ATP12A: variants seen among roughly 807,000 people sequenced by gnomAD.
The protein encoded by ATP12A is ATPase H+/K+ transporting non-gastric alpha2 subunit, also known as potassium-transporting ATPase alpha chain 2.
A neutral mutation model predicts 111.2 loss-of-function variants in ATP12A; 81 were observed. The ratio of observed to expected loss-of-function variants is 0.73; its 90% CI spans 0.61 to 0.88. ATP12A has a LOEUF of 0.88. ATP12A is among the 40% of genes least tolerant of loss of function. The pLI is 0.00. For synonymous variants in ATP12A, 498 were observed against 499.8 expected (o/e 1.00, Z 0.05); for missense variants, 1,196 against 1,313.1 (o/e 0.91, Z 1.38).
rs1175305556 is a variant in ATP12A, at chr13:24,684,612, T to A, written c.169-702T>A. Among the ~76,000 whole-genome samples the A allele has an allele frequency of 2.0e-5, 3 of 152,166 alleles. No individual in the cohort carries two copies. In the East Asian group the frequency reaches 5.8e-4, roughly 29 times the overall value. On this transcript the variant is annotated intron_variant, in intron 2 of 22. Transcript: ENST00000381946. Reference sequence around the variant, plus strand: ...CTCCCAGGGGAAAAATGGAAACATTTTTGGTTACCACAACTGAGGGGAGGA... The same window carrying A: ...CTCCCAGGGGAAAAATGGAAACATTATTGGTTACCACAACTGAGGGGAGGA...
chr13:24,709,882 G>A, intron 19 of ATP12A, 54 bp downstream of exon 19: 7 of 1,602,196 alleles, frequency 4.4e-6, no homozygotes, highest in Non-Finnish European at 6.0e-6. Flanking sequence ...CATGCTCATT[G>A]CCCTGCGCAG....
In ATP12A at chr13:24,707,038, G is replaced by A. The variant is rs1237862542; in HGVS notation, c.2185G>A (p.Val729Met). The change falls in exon 16 of 23, where the codon GTG (valine) becomes ATG (methionine). Residue 729 changes from valine to methionine, a missense_variant. Physicochemically the swap from Val to Met is conservative, Grantham distance 21. Around this residue, in one of 3 missense-constraint regions of ATP12A, gnomAD observed 1,126 missense variants for 1,228.5 expected, o/e 0.92. Coordinates refer to ENST00000381946, the MANE Select transcript of ATP12A (RefSeq NM_001676.7). ...GCQRQDAVVA[V>M]TGDGVNDSPA... ...CCCGCCATAGGATGCTGTTGTTGCT[G>A]TGACCGGGGATGGAGTTAATGACTC... 3 of 1,606,116 alleles carry A rather than the reference G, an allele frequency of 1.9e-6. No homozygotes were observed. The highest frequency in any genetic ancestry group is 2.2e-5 in the East Asian group (1 of 44,816).
intron 11 of ATP12A, among the ~76,000 whole-genome samples, chr13:24,696,731 A>G (rs866313133): frequency 2.4e-3 from 177 of 73,972 alleles, no homozygotes; most frequent in Middle Eastern, 0.014. Context: ...AAAAAAAAAA[A>G]AAAAAAAAAA....
Position 24,708,900 on chromosome 13 carries a change from G to GGAAAGAAAGAAA in ATP12A, c.2494-412_2494-401dup, listed in dbSNP as rs764913574. ...AGAGAGAGAAAGAGAAAGAAAGAAA[G>GGAAAGAAAGAAA]GAAAGAAAGAAAGAAAGAAAGAAAG... is the stretch of plus-strand genomic sequence containing the variant. On this transcript the variant is annotated intron_variant, in intron 17 of 22. Coordinates refer to ENST00000381946, the MANE Select transcript of ATP12A (RefSeq NM_001676.7). Among the ~76,000 whole-genome samples the GGAAAGAAAGAAA allele has an allele frequency of 5.5e-3, 359 of 65,184 alleles. 3 individuals carry two copies. The highest frequency in any genetic ancestry group is 8.3e-3 in the East Asian group (24 of 2,904). 42.8% of individuals were successfully genotyped at this position (65,184 alleles called of 152,430 possible). A position where few individuals can be genotyped will look rare whatever the true frequency, so the allele number is the denominator to read the frequency against.
intron 10 of ATP12A, among the ~76,000 whole-genome samples, chr13:24,694,089 A>G (rs1875023111): frequency 2.0e-5 from 3 of 152,104 alleles, no homozygotes; most frequent in African/African-American, 7.2e-5. Flanking sequence ...TGTACCTTGA[A>G]CACTCACGGA....
intron 13 of ATP12A, among the ~76,000 whole-genome samples, chr13:24,701,365 G>A (rs565376882): frequency 6.6e-6 from 1 of 151,936 alleles, no homozygotes; most frequent in Non-Finnish European, 1.5e-5. Flanking sequence ...GCCAGATGTG[G>A]TGGCACACAC....
rs769274133 is a variant in ATP12A at position 24,700,857 on chromosome 13, AT to A, written c.1817del (p.Met606ArgfsTer75). 2 of 1,614,046 alleles carry A rather than the reference AT, an allele frequency of 1.2e-6. No homozygotes were observed. Among genetic ancestry groups the A allele is most frequent in the Non-Finnish European group, 1.7e-6 (2 of 1,180,028 alleles). On this transcript the variant is annotated frameshift_variant, in exon 13 of 23. Transcript: ENST00000381946. LOFTEE classifies it high-confidence loss of function. ...CCTCTGTTTTGTGGGACTCTTGTCA[AT>A]GATCGATCCCCCTCGGTCCACCGTG... is the stretch of plus-strand genomic sequence containing the variant. ...SNLCFVGLLSMIDPPRSTVPD... is the reference protein window; with the variant it reads ...SNLCFVGLLSXIDPPRSTVPD...
At chr13:24,682,931 G>A (rs893696762) in intron 2 of ATP12A, among the ~76,000 whole-genome samples, 2 of 151,612 alleles carry the variant, frequency 1.3e-5, no homozygotes, top group African/African-American at 4.9e-5. Context: ...TATTATTAAG[G>A]AAGAGCTCTG....
At position 24,702,076 on chromosome 13, in the gene ATP12A, G is replaced by A; in HGVS notation, c.2018+5G>A. 6.2e-7 allele frequency: 1 copy of A among 1,614,238 alleles called. No homozygotes were observed. Among genetic ancestry groups the A allele is most frequent in the Non-Finnish European group, 8.5e-7 (1 of 1,180,042 alleles). On this transcript the variant is annotated splice_donor_5th_base_variant and intron_variant, in intron 14 of 22. Coordinates refer to ENST00000381946, the MANE Select transcript of ATP12A (RefSeq NM_001676.7). ...TGTGGAGCAAGTTAACAAACGGTAA[G>A]CACAGGAGCAGCATAGTAAAAATTC...
chr13:24,698,513 C>G (rs1436968257), intron 11 of ATP12A, 145 bp from the exon 12 acceptor site: 21 of 914,604 alleles, frequency 2.3e-5, no homozygotes, highest in Non-Finnish European at 3.2e-5. Context: ...AGCTCTTCGT[C>G]TTACTTGGCC....
At position 24,688,461 on chromosome 13, in the gene ATP12A, T is replaced by C; in HGVS notation, c.371T>C (p.Phe124Ser). Reference sequence around the variant, plus strand: ...TCTATCCTCCTGTGGGTGGGCGCCTTTCTCTGTTGGATTGCATATGGGATT... The same window carrying C: ...TCTATCCTCCTGTGGGTGGGCGCCTCTCTCTGTTGGATTGCATATGGGATT... ...GFSILLWVGA[F>S]LCWIAYGIQY... Residue 124 changes from phenylalanine (F) to serine (S), a missense_variant, in exon 4 of 23, where the codon TTT becomes TCT. This residue lies in a region of ATP12A where 1,126 missense variants were observed against 1,228.5 expected (regional missense o/e 0.92). Coordinates refer to ENST00000381946, the MANE Select transcript of ATP12A (RefSeq NM_001676.7). 1.9e-6 allele frequency: 3 copies of C among 1,613,828 alleles called. No individual in the cohort carries two copies. Among genetic ancestry groups the C allele is most frequent in the Non-Finnish European group, 2.5e-6 (3 of 1,179,912 alleles).
intron 12 of ATP12A, among the ~76,000 whole-genome samples, chr13:24,699,534 G>A (rs35882635): frequency 1.3e-5 from 2 of 152,242 alleles, no homozygotes; most frequent in Non-Finnish European, 1.5e-5. Flanking sequence ...ATCAGGGCAA[G>A]AGACTTCATA....
intron 11 of ATP12A, among the ~76,000 whole-genome samples, chr13:24,695,795 G>A (rs1009865350): frequency 6.6e-6 from 1 of 151,952 alleles, no homozygotes; most frequent in African/African-American, 2.4e-5. Context: ...TTTTAGTAGA[G>A]ACAGGGTTTC....
chr13:24,700,201 C>T (rs943643125), intron 12 of ATP12A, among the ~76,000 whole-genome samples: 3 of 152,190 alleles, frequency 2.0e-5, no homozygotes, highest in African/African-American at 7.2e-5. Flanking sequence ...GCTGGCCTTT[C>T]TCTTGGGCTT....
chr13:24,689,698 G>T (rs191162107), intron 5 of ATP12A, among the ~76,000 whole-genome samples: 3 of 152,286 alleles, frequency 2.0e-5, no homozygotes, highest in Non-Finnish European at 4.4e-5. Flanking sequence ...AAGGAGACCA[G>T]CCTGCAATTG....
At chr13:24,682,401 A>ACGTGTGTGTGTGTGTG (rs1555253823) in intron 2 of ATP12A, among the ~76,000 whole-genome samples, 7,270 of 131,226 alleles carry the variant, frequency 0.055, 589 homozygotes, top group Middle Eastern at 0.092. Context: ...TGGTGTGTGT[A>ACGTGTGTGTGTGTGTG]TGTGTGTGTG....
chr13:24,691,044 T>C lies in ATP12A; in HGVS notation c.862T>C (p.Leu288=), dbSNP rs1291243168. Residue 288 remains leucine (L), a synonymous_variant, in exon 8 of 23, where the codon TTG becomes CTG. Transcript: ENST00000381946. ...DRTIIGHIAS[L]ASGVGNEKTP... is the part of the protein sequence containing the mutation. Reference sequence around the variant, plus strand: ...CACCATCATTGGCCATATTGCCTCATTGGCCTCAGGAGTTGGAAATGAGAA... The same window carrying C: ...CACCATCATTGGCCATATTGCCTCACTGGCCTCAGGAGTTGGAAATGAGAA... 11 of 1,614,118 alleles carry C rather than the reference T, an allele frequency of 6.8e-6. No individual in the cohort carries two copies. The Admixed American group carries it at 1.0e-4, about 15-fold the overall frequency.
At position 24,685,474 on chromosome 13, in the gene ATP12A, TAGG is replaced by T. The variant is rs1874634750; in HGVS notation, c.228+108_228+110del. The stretch of plus-strand genomic sequence containing the variant: ...CTGTGTGGAAGAGTAGCGGCACCTT[TAGG>T]AGGAGGGGCCCCTGCAGCGCCTTTG... On this transcript the variant is annotated intron_variant, in intron 3 of 22. Transcript: ENST00000381946. The surrounding 1 kb of genome is among the most constrained non-coding windows in gnomAD (Gnocchi z 5.5). 2.4e-6 allele frequency: 3 copies of T among 1,255,524 alleles called. No individual in the cohort carries two copies. Among genetic ancestry groups the T allele is most frequent in the Non-Finnish European group, 3.5e-6 (3 of 858,778 alleles). The allele number at this position is 1,255,524 out of a possible 1,614,324, so 77.8% of individuals were successfully genotyped here.
chr13:24,696,851 A>G (rs2137706162), intron 11 of ATP12A, among the ~76,000 whole-genome samples: 1 of 151,934 alleles, frequency 6.6e-6, no homozygotes, highest in East Asian at 1.9e-4. Flanking sequence ...GCTCAGCCTC[A>G]CCAGGGCTTT....
Sources: allele counts gnomAD v4.1 joint callset (sites outside exome capture counted in the v4.1 genomes callset), GRCh38; gene constraint gnomAD v4.1.1; regional missense constraint gnomAD v4.1.1; non-coding constraint Gnocchi (gnomAD v3.1); transcripts MANE v1.5; gene names NCBI Gene and HGNC (gene_info 2026-07-23, HGNC 2026-07-21).